GNG2: variants seen among roughly 807,000 people sequenced by gnomAD.
GNG2 encodes G protein subunit gamma 2.
GNG2 carries 5 observed loss-of-function variants against 5.5 expected under a neutral mutation model. The observed-to-expected ratio is 0.91, with a 90% CI of 0.48 to 1.92. The LOEUF is 1.92. Among genes scored for constraint, GNG2 ranks in the 30% most tolerant of loss-of-function variants. The probability of loss-of-function intolerance (pLI) is 0.01; values close to 1 mark genes in which losing one functional copy is unlikely to be tolerated. For synonymous variants in GNG2, 28 were observed against 32.0 expected (o/e 0.88, Z 0.42); for missense variants, 55 against 88.4 (o/e 0.62, Z 1.52).
intron 2 of GNG2, among the ~76,000 whole-genome samples, chr14:51,942,977 T>G (rs985665192): frequency 6.6e-6 from 1 of 152,098 alleles, no homozygotes; most frequent in Non-Finnish European, 1.5e-5. Context: ...CCAGAAATGT[T>G]CTGAGATGCC....
chr14:51,866,046 C>T (rs1446179225), intron 1 of GNG2, among the ~76,000 whole-genome samples: 1 of 152,090 alleles, frequency 6.6e-6, no homozygotes, highest in Non-Finnish European at 1.5e-5. Context: ...AAGACAGGAT[C>T]AGCCCCTTTA....
intron 2 of GNG2, among the ~76,000 whole-genome samples, chr14:51,945,555 G>A (rs961852406): frequency 6.6e-6 from 1 of 152,112 alleles, no homozygotes; most frequent in Non-Finnish European, 1.5e-5. Context: ...ATTGTTTGAT[G>A]GGTATAGAGT....
intron 2 of GNG2, among the ~76,000 whole-genome samples, chr14:51,943,252 TTTG>T (rs1477956357): frequency 3.3e-5 from 5 of 152,194 alleles, no homozygotes; most frequent in South Asian, 2.1e-4. Flanking sequence ...CAAAAGGTTT[TTTG>T]TTGTTGTTGT....
chr14:51,878,708 G>A (rs2140136426), intron 2 of GNG2, among the ~76,000 whole-genome samples: 1 of 152,194 alleles, frequency 6.6e-6, no homozygotes, highest in East Asian at 1.9e-4. Context: ...TTTGGACTTT[G>A]GATATCTCCA....
chr14:51,827,547 A>G (rs895483105), intron 1 of GNG2: 10 of 582,268 alleles, frequency 1.7e-5, no homozygotes, highest in Non-Finnish European at 3.0e-5. Flanking sequence ...TAGGAGTGGT[A>G]TTTTTTGATG....
intron 2 of GNG2, among the ~76,000 whole-genome samples, chr14:51,905,760 G>A (rs566201097): frequency 1.3e-5 from 2 of 152,208 alleles, no homozygotes; most frequent in East Asian, 1.9e-4. Context: ...TTGAATCATC[G>A]GGGAAGTTTC....
chr14:51,879,467 G>A (rs1883896528), intron 2 of GNG2, among the ~76,000 whole-genome samples: 1 of 152,198 alleles, frequency 6.6e-6, no homozygotes, highest in African/African-American at 2.4e-5. Context: ...TATGGCTGCT[G>A]TAACAAATTA....
chr14:51,956,335 G>A (rs907509505), intron 3 of GNG2, among the ~76,000 whole-genome samples: 13 of 152,154 alleles, frequency 8.5e-5, no homozygotes, highest in African/African-American at 3.1e-4. Context: ...GGGGCCTACT[G>A]CTTGCTATTG....
chr14:51,900,709 G>A (rs1594892832), intron 2 of GNG2, among the ~76,000 whole-genome samples: 1 of 151,734 alleles, frequency 6.6e-6, no homozygotes, highest in African/African-American at 2.4e-5. Flanking sequence ...GGTAGAAATG[G>A]GCCTGGGGCA....
intron 2 of GNG2, among the ~76,000 whole-genome samples, chr14:51,910,263 G>T (rs962242513): frequency 2.6e-5 from 4 of 152,164 alleles, no homozygotes; most frequent in Non-Finnish European, 5.9e-5. Flanking sequence ...GTCATGACAG[G>T]CAGAAAACAA....
intron 2 of GNG2, among the ~76,000 whole-genome samples, chr14:51,881,190 A>C (rs1019802777): frequency 1.3e-5 from 2 of 152,196 alleles, no homozygotes; most frequent in Non-Finnish European, 2.9e-5. Flanking sequence ...ATAAAATCCA[A>C]GTTTGCCAAT....
intron 2 of GNG2, among the ~76,000 whole-genome samples, chr14:51,933,634 T>C (rs1170824501): frequency 2.0e-5 from 3 of 152,162 alleles, no homozygotes; most frequent in African/African-American, 7.2e-5. Flanking sequence ...TCGAGTCCTT[T>C]GGTGAGTGAA....
At chr14:51,952,180 G>A (rs1466152280) in intron 3 of GNG2, 1 of 395,936 alleles carries the variant, frequency 2.5e-6, no homozygotes, top group East Asian at 4.1e-5. Flanking sequence ...CTACAAGTAA[G>A]ATGAGCAAAT....
chr14:51,917,219 G>T, intron 2 of GNG2: 1 of 374,562 alleles, frequency 2.7e-6, no homozygotes. Flanking sequence ...ATAGTGAAAA[G>T]TCCCCAAATG....
chr14:51,944,251 G>A (rs1287286816), intron 2 of GNG2, among the ~76,000 whole-genome samples: 1 of 152,164 alleles, frequency 6.6e-6, no homozygotes, highest in Non-Finnish European at 1.5e-5. Flanking sequence ...TAAAGAATAA[G>A]CATTTCTCTC....
intron 2 of GNG2, among the ~76,000 whole-genome samples, chr14:51,913,520 TAAAC>T (rs1200060784): frequency 1.3e-5 from 2 of 152,116 alleles, no homozygotes; most frequent in African/African-American, 4.8e-5. Flanking sequence ...TCTCTAAAAA[TAAAC>T]AAATAAGTTT....
chr14:51,915,979 T>C (rs1410959137), intron 2 of GNG2, among the ~76,000 whole-genome samples: 1 of 152,166 alleles, frequency 6.6e-6, no homozygotes, highest in Non-Finnish European at 1.5e-5. Flanking sequence ...ACGGGAGGCA[T>C]TACAGTTATA....
intron 2 of GNG2, among the ~76,000 whole-genome samples, chr14:51,892,653 T>C (rs113240526): frequency 2.8e-4 from 42 of 152,330 alleles, no homozygotes; most frequent in African/African-American, 9.9e-4. Flanking sequence ...AACACGCTCT[T>C]GTTTTTACAA....
chr14:51,937,623 A>T (rs1888087498), intron 2 of GNG2, among the ~76,000 whole-genome samples: 2 of 133,612 alleles, frequency 1.5e-5, no homozygotes, highest in Admixed American at 8.0e-5. Flanking sequence ...GAAATACATA[A>T]TTTTTTTTTT....
Sources: gnomAD v4.1 joint callset for allele counts (sites outside exome capture counted in the v4.1 genomes callset) on GRCh38, gnomAD v4.1.1 for gene constraint, MANE v1.5 for transcripts, NCBI Gene and HGNC (gene_info 2026-07-23, HGNC 2026-07-21) for gene names.